Variants in ZNF385B observed in about 807,000 individuals in gnomAD.
ZNF385B encodes zinc finger protein 385B, also known as zinc finger protein 533.
In ZNF385B, 23 loss-of-function variants were observed where a neutral mutation model predicts 39.2. That is an observed-to-expected ratio of 0.59 (90% CI 0.42 to 0.83). The LOEUF (loss-of-function observed/expected upper bound fraction) is 0.83. Among genes scored for constraint, ZNF385B ranks in the 40% least tolerant of loss-of-function variants. The pLI is 0.00. For missense variants in ZNF385B, 552 were observed against 598.9 expected (o/e 0.92, Z 0.82); for synonymous variants, 205 against 222.6 (o/e 0.92, Z 0.70).
intron 3 of ZNF385B, among the ~76,000 whole-genome samples, chr2:179,577,249 T>C (rs1489404937): frequency 1.3e-5 from 2 of 152,062 alleles, no homozygotes; most frequent in Non-Finnish European, 2.9e-5. Flanking sequence ...AGGTCAAAAT[T>C]AATAGGGAAT....
chr2:179,667,701 A>G (rs1695352619), intron 3 of ZNF385B, among the ~76,000 whole-genome samples: 1 of 152,222 alleles, frequency 6.6e-6, no homozygotes, highest in Non-Finnish European at 1.5e-5. Context: ...ATTGGCAGCT[A>G]TGTTTAAGCC....
chr2:179,524,482 G>A (rs546278288), intron 4 of ZNF385B, among the ~76,000 whole-genome samples: 1 of 141,092 alleles, frequency 7.1e-6, no homozygotes, highest in South Asian at 2.3e-4. Context: ...AACCTGGGAG[G>A]CAGAGCTTGC....
At chr2:179,828,795 G>C (rs1707818754) in intron 1 of ZNF385B, among the ~76,000 whole-genome samples, 1 of 152,094 alleles carries the variant, frequency 6.6e-6, no homozygotes, top group Non-Finnish European at 1.5e-5. Context: ...GAAATATATG[G>C]GTTTTATGGA....
At chr2:179,720,139 T>G (rs941006760) in intron 3 of ZNF385B, among the ~76,000 whole-genome samples, 1 of 152,116 alleles carries the variant, frequency 6.6e-6, no homozygotes, top group East Asian at 1.9e-4. Context: ...GGTCATCTCA[T>G]GCAAAACAGA....
intron 3 of ZNF385B, among the ~76,000 whole-genome samples, chr2:179,762,348 C>T (rs1411626278): frequency 6.6e-6 from 1 of 152,058 alleles, no homozygotes; most frequent in African/African-American, 2.4e-5. Context: ...CACTACTATG[C>T]CCAGCTAATT....
chr2:179,795,661 A>G (rs901997102), intron 1 of ZNF385B, among the ~76,000 whole-genome samples: 2 of 152,156 alleles, frequency 1.3e-5, no homozygotes, highest in African/African-American at 4.8e-5. Context: ...ACACTTAAGA[A>G]TTTATTTTCG....
At chr2:179,698,063 G>C (rs1698904818) in intron 3 of ZNF385B, among the ~76,000 whole-genome samples, 1 of 152,016 alleles carries the variant, frequency 6.6e-6, no homozygotes. Flanking sequence ...AGGGGGGAGG[G>C]ATAGCATTAG....
intron 3 of ZNF385B, among the ~76,000 whole-genome samples, chr2:179,765,774 C>A (rs1477150936): frequency 6.6e-6 from 1 of 152,094 alleles, no homozygotes; most frequent in Non-Finnish European, 1.5e-5. Context: ...AAGAAACTCA[C>A]AACTACTTTT....
At chr2:179,846,763 G>C (rs1228068626) in intron 1 of ZNF385B, among the ~76,000 whole-genome samples, 2 of 152,240 alleles carry the variant, frequency 1.3e-5, no homozygotes, top group Non-Finnish European at 2.9e-5. Context: ...GTAGCTTTCA[G>C]GCAGGGGCTA....
rs140346935 is a variant in ZNF385B, at chr2:179,531,716, C to T, written c.442-13078G>A. Among the ~76,000 whole-genome samples the T allele has an allele frequency of 2.4e-3, 360 of 152,244 alleles. 2 individuals carry two copies. Among genetic ancestry groups the T allele is most frequent in the African/African-American group, 8.4e-3 (350 of 41,526 alleles). On this transcript the variant is annotated intron_variant, in intron 4 of 9. Transcript: ENST00000410066. Reference sequence around the variant, plus strand: ...CTATAGTTAGAGCTGTTTCCCCTTCCCTGATTCCCACCCAAGGATGTCACA... The same window carrying T: ...CTATAGTTAGAGCTGTTTCCCCTTCTCTGATTCCCACCCAAGGATGTCACA...
In ZNF385B at chr2:179,810,623, CAAAATATCTTATTCTATT is replaced by C. The variant is rs1012351721; in HGVS notation, c.-154-39969_-154-39952del. ...TCATCATCATCATTTCCAATCACTA[CAAAATATCTTATTCTATT>C]AAAATATCTTATTCTATTAAAATAA... On this transcript the variant is annotated intron_variant, in intron 1 of 9. Coordinates refer to ENST00000410066, the MANE Select transcript of ZNF385B (RefSeq NM_152520.6). Among the ~76,000 whole-genome samples the C allele has an allele frequency of 5.3e-5, 8 of 151,962 alleles. No individual in the cohort carries two copies. The South Asian group carries it at 8.3e-4, about 16-fold the overall frequency.
At chr2:179,737,569 G>GA (rs1464522718) in intron 3 of ZNF385B, among the ~76,000 whole-genome samples, 1 of 151,930 alleles carries the variant, frequency 6.6e-6, no homozygotes, top group African/African-American at 2.4e-5. Context: ...ATCTATGATT[G>GA]AAAAAAGAAT....
intron 5 of ZNF385B, among the ~76,000 whole-genome samples, chr2:179,517,615 A>G (rs1287131911): frequency 1.3e-5 from 2 of 152,132 alleles, no homozygotes; most frequent in East Asian, 3.8e-4. Flanking sequence ...GTATTTCTAA[A>G]CAACATTAAT....
intron 1 of ZNF385B, among the ~76,000 whole-genome samples, chr2:179,795,215 T>C (rs934436618): frequency 6.6e-6 from 1 of 151,544 alleles, no homozygotes; most frequent in African/African-American, 2.4e-5. Flanking sequence ...ATGTCAAATA[T>C]AGTAGGTAAG....
intron 4 of ZNF385B, among the ~76,000 whole-genome samples, chr2:179,537,805 A>G (rs2059682221): frequency 6.6e-6 from 1 of 152,102 alleles, no homozygotes; most frequent in Non-Finnish European, 1.5e-5. Flanking sequence ...TTTTCTAGGC[A>G]TAGAAATCAA....
intron 3 of ZNF385B, among the ~76,000 whole-genome samples, chr2:179,614,975 T>C (rs1000958854): frequency 1.3e-5 from 2 of 152,220 alleles, no homozygotes; most frequent in Non-Finnish European, 2.9e-5. Context: ...CATATTAGAC[T>C]TCTGTGATAG....
At chr2:179,652,386 CTG>C (rs1247526717) in intron 3 of ZNF385B, among the ~76,000 whole-genome samples, 3 of 152,136 alleles carry the variant, frequency 2.0e-5, no homozygotes, top group Non-Finnish European at 2.9e-5. Context: ...CTGAATTGTT[CTG>C]TGTGTATGTC....
chr2:179,747,286 G>A (rs994523825), intron 3 of ZNF385B, among the ~76,000 whole-genome samples: 11 of 152,070 alleles, frequency 7.2e-5, no homozygotes, highest in Admixed American at 6.6e-4. Context: ...GACTCCTTAC[G>A]GGCTGCTGGT....
chr2:179,670,797 C>T (rs1695882747), intron 3 of ZNF385B, among the ~76,000 whole-genome samples: 1 of 152,132 alleles, frequency 6.6e-6, no homozygotes, highest in Non-Finnish European at 1.5e-5. Flanking sequence ...ATTGAGATTT[C>T]TCAAAAATGA....
Sources: gnomAD v4.1 joint callset for allele counts (sites outside exome capture counted in the v4.1 genomes callset) on GRCh38, gnomAD v4.1.1 for gene constraint, MANE v1.5 for transcripts, NCBI Gene and HGNC (gene_info 2026-07-23, HGNC 2026-07-21) for gene names.